The following PEX14 variants were observed in gnomAD, a reference collection of about 807,000 sequenced individuals.
The protein encoded by PEX14 is peroxisomal membrane protein PEX14.
Under a neutral mutation model 49.5 loss-of-function variants are expected in PEX14, and 15 were observed. The observed-to-expected ratio is 0.30, with a 90% CI of 0.20 to 0.47. The LOEUF is 0.47. Among genes scored for constraint, PEX14 ranks in the 20% least tolerant of loss-of-function variants. The pLI is 1.00. For missense variants in PEX14, 398 were observed against 494.8 expected (o/e 0.80, Z 1.86); for synonymous variants, 210 against 212.7 (o/e 0.99, Z 0.11).
intron 2 of PEX14, among the ~76,000 whole-genome samples, chr1:10,532,168 TC>T (rs1374361720): frequency 6.6e-6 from 1 of 151,994 alleles, no homozygotes; most frequent in Non-Finnish European, 1.5e-5. Context: ...CAACCTGAAG[TC>T]CCCCCCGCTT....
chr1:10,543,058 G>A (rs971762358), intron 3 of PEX14, among the ~76,000 whole-genome samples: 3 of 152,228 alleles, frequency 2.0e-5, no homozygotes, highest in Non-Finnish European at 4.4e-5. Flanking sequence ...AGGAAAAAGA[G>A]TAACAAATTG....
At position 10,562,968 on chromosome 1, in the gene PEX14, A is replaced by G. The variant is rs140950993; in HGVS notation, c.169+26671A>G. ...TCTCTGTCGCCCAGGGTGGAGTGCAATGGCATGATCTCGGCTCACTGCAAC... is the reference window on the plus strand; with the variant it reads ...TCTCTGTCGCCCAGGGTGGAGTGCAGTGGCATGATCTCGGCTCACTGCAAC... On this transcript the variant is annotated intron_variant, in intron 3 of 8. Transcript: ENST00000356607. 7.8e-3 allele frequency among the ~76,000 whole-genome samples: 1,157 copies of G among 149,062 alleles called. 12 individuals are homozygous for G. Among genetic ancestry groups the G allele is most frequent in the Non-Finnish European group, 0.013 (880 of 67,408 alleles).
At position 10,629,400 on chromosome 1, in the gene PEX14, G is replaced by A; in HGVS notation, c.678-131G>A. On this transcript the variant is annotated intron_variant, in intron 8 of 8. Coordinates refer to ENST00000356607, the MANE Select transcript of PEX14 (RefSeq NM_004565.3). This position sits in a 1 kb window ranked among gnomAD's most constrained non-coding sequence, Gnocchi z 8.5. ...AGGAGGGGTGGAAGGGCTCCATCCT[G>A]TCCCTTGCCCAGTGTCCCTGGGGGA... The A allele has an allele frequency of 1.4e-6, 1 of 718,536 alleles. No individual in the cohort carries two copies. The highest frequency in any genetic ancestry group is 2.5e-6 in the Non-Finnish European group (1 of 398,842). 44.5% of individuals were successfully genotyped at this position (718,536 alleles called of 1,614,324 possible).
chr1:10,609,187 C>T lies in PEX14; in HGVS notation c.299-9145C>T, dbSNP rs566368574. On this transcript the variant is annotated intron_variant, in intron 4 of 8. Transcript: ENST00000356607. The stretch of plus-strand genomic sequence containing the variant: ...AGTCGATGGACATTTAGATTGTCTC[C>T]AATTTTGGTGAAGATGAATAATGCT... Among the ~76,000 whole-genome samples, 4 of 152,214 alleles carry T rather than the reference C, an allele frequency of 2.6e-5. No individual in the cohort carries two copies. In the South Asian group the frequency reaches 8.3e-4, roughly 32 times the overall value.
intron 1 of PEX14, among the ~76,000 whole-genome samples, chr1:10,489,255 A>G (rs938805444): frequency 1.3e-5 from 2 of 152,232 alleles, no homozygotes; most frequent in Non-Finnish European, 2.9e-5. Flanking sequence ...TGCTGGGATT[A>G]CAGGCGTGAG....
intron 2 of PEX14, among the ~76,000 whole-genome samples, chr1:10,519,892 C>T (rs1159529821): frequency 1.3e-5 from 2 of 152,182 alleles, no homozygotes; most frequent in East Asian, 1.9e-4. Flanking sequence ...CCTCCCGCCT[C>T]GACCTCCATG....
At chr1:10,502,245 T>C (rs1641695006) in intron 2 of PEX14, among the ~76,000 whole-genome samples, 1 of 152,174 alleles carries the variant, frequency 6.6e-6, no homozygotes, top group Non-Finnish European at 1.5e-5. Flanking sequence ...GTATACTGAC[T>C]TCTGGTTGGG....
At position 10,622,963 on chromosome 1, in the gene PEX14, G is replaced by C. The variant is rs1426158625; in HGVS notation, c.385-56G>C. Reference sequence around the variant, plus strand: ...GTTGGGCGGCAGAATTTGAGAGATTGTTGGAGGATAACCCCGGGTCCGTAT... The same window carrying C: ...GTTGGGCGGCAGAATTTGAGAGATTCTTGGAGGATAACCCCGGGTCCGTAT... On this transcript the variant is annotated intron_variant, in intron 5 of 8. Coordinates refer to ENST00000356607, the MANE Select transcript of PEX14 (RefSeq NM_004565.3). The C allele has an allele frequency of 1.5e-5, 18 of 1,230,950 alleles. No homozygotes were observed. In the East Asian group the frequency reaches 4.3e-4, roughly 29 times the overall value. 76.3% of individuals were successfully genotyped at this position (1,230,950 alleles called of 1,614,324 possible). A position where few individuals can be genotyped will look rare whatever the true frequency, so the allele number is the denominator to read the frequency against.
intron 1 of PEX14, among the ~76,000 whole-genome samples, chr1:10,478,831 C>T (rs542317461): frequency 2.6e-5 from 4 of 151,918 alleles, no homozygotes; most frequent in South Asian, 2.1e-4. Context: ...CTGCAAGCTC[C>T]GCCTCTCGGG....
chr1:10,528,317 C>G (rs1638550988), intron 2 of PEX14: 2 of 982,834 alleles, frequency 2.0e-6, no homozygotes, highest in Non-Finnish European at 2.4e-6. Flanking sequence ...GAAGTGGAAG[C>G]TGAAGCAGGG....
chr1:10,533,955 T>C (rs569301280), intron 2 of PEX14, among the ~76,000 whole-genome samples: 2 of 152,340 alleles, frequency 1.3e-5, no homozygotes, highest in African/African-American at 2.4e-5. Context: ...CAGAAATGCA[T>C]ATACCAAGGA....
intron 2 of PEX14, among the ~76,000 whole-genome samples, chr1:10,507,301 A>T (rs1022282831): frequency 6.6e-6 from 1 of 152,266 alleles, no homozygotes; most frequent in Non-Finnish European, 1.5e-5. Context: ...GCTGTCAGGC[A>T]CACTAGCGTG....
intron 3 of PEX14, among the ~76,000 whole-genome samples, chr1:10,575,741 G>GA (rs926344982): frequency 4.6e-5 from 7 of 151,746 alleles, no homozygotes; most frequent in African/African-American, 1.7e-4. Flanking sequence ...AAAGGAATTA[G>GA]AAAAAAAATG....
At chr1:10,586,555 T>C (rs1214738796) in intron 3 of PEX14, among the ~76,000 whole-genome samples, 1 of 151,866 alleles carries the variant, frequency 6.6e-6, no homozygotes, top group Non-Finnish European at 1.5e-5. Flanking sequence ...TACAACAATT[T>C]GAATGAACTG....
chr1:10,556,772 A>C (rs1279565725), intron 3 of PEX14, among the ~76,000 whole-genome samples: 1 of 152,238 alleles, frequency 6.6e-6, no homozygotes, highest in Non-Finnish European at 1.5e-5. Context: ...AACTCAGTAC[A>C]GGAACACACT....
At chr1:10,604,681 A>G (rs572547980) in intron 4 of PEX14, among the ~76,000 whole-genome samples, 60 of 152,282 alleles carry the variant, frequency 3.9e-4, no homozygotes, top group Non-Finnish European at 6.6e-4. Flanking sequence ...GTCAGAGGAA[A>G]TGGCTGGAGA....
intron 2 of PEX14, among the ~76,000 whole-genome samples, chr1:10,515,048 C>T (rs1475025995): frequency 6.6e-6 from 1 of 152,186 alleles, no homozygotes; most frequent in Non-Finnish European, 1.5e-5. Flanking sequence ...GCTGCCTGGT[C>T]ACAGAAGAGT....
At chr1:10,610,098 A>G (rs1433496026) in intron 4 of PEX14, among the ~76,000 whole-genome samples, 3 of 148,054 alleles carry the variant, frequency 2.0e-5, no homozygotes, top group Non-Finnish European at 4.5e-5. Flanking sequence ...TTTCTATATT[A>G]TATGTAAATA....
intron 2 of PEX14, among the ~76,000 whole-genome samples, chr1:10,499,914 C>CAG (rs1241714547): frequency 6.6e-6 from 1 of 152,134 alleles, no homozygotes; most frequent in Non-Finnish European, 1.5e-5. Flanking sequence ...AAAGTGCCCT[C>CAG]AGGTTTCTTC....
Sources: gnomAD v4.1 joint callset for allele counts (sites outside exome capture counted in the v4.1 genomes callset) on GRCh38, gnomAD v4.1.1 for gene constraint, Gnocchi (gnomAD v3.1) non-coding constraint, MANE v1.5 for transcripts, NCBI Gene and HGNC (gene_info 2026-07-23, HGNC 2026-07-21) for gene names.